FCHSD2: variants seen among roughly 807,000 people sequenced by gnomAD.
The protein encoded by FCHSD2 is F-BAR and double SH3 domains protein 2.
A neutral mutation model predicts 108.1 loss-of-function variants in FCHSD2; 38 were observed. The ratio of observed to expected loss-of-function variants is 0.35; its 90% CI spans 0.27 to 0.46. FCHSD2 has a LOEUF of 0.46. FCHSD2 is among the 20% of genes least tolerant of loss of function. The pLI is 1.00. For synonymous variants in FCHSD2, 279 were observed against 314.7 expected (o/e 0.89, Z 1.20); for missense variants, 751 against 897.8 (o/e 0.84, Z 2.09).
chr11:73,105,490 G>T (rs573779321), intron 2 of FCHSD2, among the ~76,000 whole-genome samples: 1 of 152,258 alleles, frequency 6.6e-6, no homozygotes, highest in Non-Finnish European at 1.5e-5. Context: ...GAAGTGAAAA[G>T]GGAATAGAGA....
intron 8 of FCHSD2, chr11:72,940,963 T>A (rs1856404788): frequency 1.3e-6 from 1 of 759,242 alleles, no homozygotes. Flanking sequence ...CAAAGCAGTC[T>A]ATAAGCACAG....
chr11:72,873,284 G>A (rs964659955), intron 12 of FCHSD2, among the ~76,000 whole-genome samples: 10 of 151,080 alleles, frequency 6.6e-5, no homozygotes, highest in East Asian at 1.9e-4. Context: ...AACCGAGATC[G>A]CGCCACTGCA....
chr11:72,965,777 C>T (rs1856896037), intron 8 of FCHSD2, among the ~76,000 whole-genome samples: 1 of 152,184 alleles, frequency 6.6e-6, no homozygotes, highest in Non-Finnish European at 1.5e-5. Flanking sequence ...TTTGCATGTT[C>T]TTAAGTATAT....
intron 3 of FCHSD2, 25 bp from the exon 4 acceptor site, chr11:73,015,910 T>C (rs774417692): frequency 1.5e-5 from 19 of 1,304,522 alleles, no homozygotes; most frequent in Non-Finnish European, 6.5e-6. Context: ...ATATTTTTTC[T>C]AAAATAAATA....
chr11:73,106,767 T>C (rs1433839806), intron 2 of FCHSD2, among the ~76,000 whole-genome samples: 1 of 152,178 alleles, frequency 6.6e-6, no homozygotes, highest in African/African-American at 2.4e-5. Context: ...AAGTATTCAG[T>C]ACAGTAACAT....
At chr11:72,869,499 CAG>C (rs1854804702) in intron 12 of FCHSD2, 1 of 148,554 alleles carries the variant, frequency 6.7e-6, no homozygotes, top group Non-Finnish European at 1.5e-5. Context: ...AGAAAGGAAT[CAG>C]GGTCTCCTAA....
intron 10 of FCHSD2, chr11:72,900,226 C>G: frequency 1.8e-6 from 1 of 557,280 alleles, no homozygotes; most frequent in South Asian, 1.6e-5. Flanking sequence ...CACTTCCCAT[C>G]CCTCCCGCCC....
intron 2 of FCHSD2, among the ~76,000 whole-genome samples, chr11:73,112,752 A>G (rs560505551): frequency 5.7e-4 from 86 of 152,192 alleles, no homozygotes; most frequent in African/African-American, 2.0e-3. Flanking sequence ...AAGTTCAAGC[A>G]ATTCTCCTGC....
At chr11:72,916,569 C>T (rs1325744986) in intron 9 of FCHSD2, among the ~76,000 whole-genome samples, 1 of 152,190 alleles carries the variant, frequency 6.6e-6, no homozygotes, top group Non-Finnish European at 1.5e-5. Flanking sequence ...CCCACCTTGG[C>T]CTTCCAAAGT....
intron 2 of FCHSD2, among the ~76,000 whole-genome samples, chr11:73,108,778 A>G (rs1451219301): frequency 1.3e-5 from 2 of 151,724 alleles, no homozygotes; most frequent in Admixed American, 1.3e-4. Context: ...TCACCTTGTT[A>G]GCCAGGATGG....
At chr11:73,017,371 C>G (rs1003189842) in intron 3 of FCHSD2, among the ~76,000 whole-genome samples, 1 of 152,180 alleles carries the variant, frequency 6.6e-6, no homozygotes, top group Non-Finnish European at 1.5e-5. Context: ...CATTGAGATA[C>G]TTATTTCTAT....
chr11:73,072,900 T>C (rs573617798), intron 3 of FCHSD2, among the ~76,000 whole-genome samples: 27 of 152,266 alleles, frequency 1.8e-4, no homozygotes, highest in East Asian at 3.9e-4. Flanking sequence ...AGAGTAAAAA[T>C]AGCAAAAAAT....
intron 5 of FCHSD2, among the ~76,000 whole-genome samples, chr11:72,993,524 G>C (rs1857459772): frequency 6.6e-6 from 1 of 152,156 alleles, no homozygotes; most frequent in Non-Finnish European, 1.5e-5. Context: ...GTCCAACAAT[G>C]ATAGACTGGA....
chr11:72,936,898 CTT>C (rs1856314428), intron 8 of FCHSD2, among the ~76,000 whole-genome samples: 1 of 152,158 alleles, frequency 6.6e-6, no homozygotes. Flanking sequence ...GATTTAAAAT[CTT>C]TGTCTAGTAA....
At chr11:72,921,041 T>C (rs760301695) in intron 9 of FCHSD2, among the ~76,000 whole-genome samples, 3 of 151,260 alleles carry the variant, frequency 2.0e-5, no homozygotes, top group Non-Finnish European at 4.4e-5. Context: ...ATCCCTCTCC[T>C]AAAAGTATTA....
chr11:72,905,585 C>T (rs1855611581), intron 9 of FCHSD2, among the ~76,000 whole-genome samples: 1 of 152,106 alleles, frequency 6.6e-6, no homozygotes. Flanking sequence ...CTATCCTTCC[C>T]CTAGCCCCCC....
intron 2 of FCHSD2, among the ~76,000 whole-genome samples, chr11:73,112,880 C>T (rs552289497): frequency 1.3e-5 from 2 of 152,174 alleles, no homozygotes; most frequent in South Asian, 4.1e-4. Context: ...TAGCCAAGCT[C>T]GTCTTGAACT....
intron 3 of FCHSD2, among the ~76,000 whole-genome samples, chr11:73,032,940 A>C (rs117893776): frequency 1.3e-3 from 192 of 152,268 alleles, no homozygotes; most frequent in Non-Finnish European, 2.4e-3. Context: ...CCATTATCAG[A>C]CTAAAATGTG....
intron 13 of FCHSD2, among the ~76,000 whole-genome samples, chr11:72,851,786 G>A (rs1229527058): frequency 6.6e-6 from 1 of 151,456 alleles, no homozygotes; most frequent in African/African-American, 2.4e-5. Context: ...AAAAAATAAA[G>A]TTCGTGAAGT....
Sources: allele counts gnomAD v4.1 joint callset (sites outside exome capture counted in the v4.1 genomes callset), GRCh38; gene constraint gnomAD v4.1.1; transcripts MANE v1.5; gene names NCBI Gene and HGNC (gene_info 2026-07-23, HGNC 2026-07-21).